The following FRMD4A variants were observed in gnomAD, a reference collection of about 807,000 sequenced individuals.
FRMD4A encodes the protein FERM domain containing 4A.
A neutral mutation model predicts 129.1 loss-of-function variants in FRMD4A; 29 were observed. The observed-to-expected ratio is 0.22, with a 90% CI of 0.17 to 0.31. The LOEUF (loss-of-function observed/expected upper bound fraction) is 0.31. Ranked by LOEUF, FRMD4A falls within the 10% of genes least tolerant of loss-of-function variation. The pLI, the probability that FRMD4A is intolerant of heterozygous loss-of-function variation, is 1.00. For synonymous variants in FRMD4A, 634 were observed against 571.6 expected (o/e 1.11, Z -1.56); for missense variants, 1,272 against 1,375.8 (o/e 0.92, Z 1.19).
At chr10:14,198,100 C>T (rs1485708631) in intron 2 of FRMD4A, among the ~76,000 whole-genome samples, 3 of 152,240 alleles carry the variant, frequency 2.0e-5, no homozygotes, top group Non-Finnish European at 4.4e-5. Flanking sequence ...GACCTTCAAA[C>T]TACTCTCCCA....
intron 2 of FRMD4A, among the ~76,000 whole-genome samples, chr10:14,265,248 G>A (rs540525587): frequency 3.7e-4 from 57 of 152,268 alleles, no homozygotes; most frequent in African/African-American, 1.3e-3. Context: ...GATTTAGGAT[G>A]TTAATTTTCA....
At chr10:13,942,788 C>T (rs572351054) in intron 2 of FRMD4A, among the ~76,000 whole-genome samples, 18 of 152,170 alleles carry the variant, frequency 1.2e-4, no homozygotes, top group Non-Finnish European at 2.1e-4. Flanking sequence ...CAAAAATTAG[C>T]TGGGCGTGGT....
chr10:14,009,585 T>C (rs1007475180), intron 2 of FRMD4A, among the ~76,000 whole-genome samples: 1 of 152,138 alleles, frequency 6.6e-6, no homozygotes, highest in African/African-American at 2.4e-5. Context: ...AAGCAGAGTT[T>C]TGTACTATGA....
chr10:13,663,109 G>A (rs1307023925), intron 19 of FRMD4A, among the ~76,000 whole-genome samples: 1 of 151,604 alleles, frequency 6.6e-6, no homozygotes, highest in African/African-American at 2.4e-5. Flanking sequence ...AGAATCACTT[G>A]AGCCTAGGAG....
intron 12 of FRMD4A, among the ~76,000 whole-genome samples, chr10:13,727,033 GCTGGGATTA>G (rs746760492): frequency 3.9e-5 from 6 of 152,168 alleles, no homozygotes; most frequent in Non-Finnish European, 7.4e-5. Context: ...CTCCCTAGTA[GCTGGGATTA>G]CAGGCACATG....
At chr10:14,045,804 A>G (rs7903452) in intron 2 of FRMD4A, among the ~76,000 whole-genome samples, 1 of 145,736 alleles carries the variant, frequency 6.9e-6, no homozygotes, top group Admixed American at 7.0e-5. Flanking sequence ...ATATAATTAT[A>G]TAGAATAGAT....
At chr10:14,075,956 C>T (rs913655074) in intron 2 of FRMD4A, among the ~76,000 whole-genome samples, 2 of 152,210 alleles carry the variant, frequency 1.3e-5, no homozygotes, top group Non-Finnish European at 2.9e-5. Flanking sequence ...CTTGGCCTAA[C>T]TCTCATGTTC....
At chr10:14,045,814 T>G (rs1003381362) in intron 2 of FRMD4A, among the ~76,000 whole-genome samples, 8 of 146,018 alleles carry the variant, frequency 5.5e-5, no homozygotes, top group African/African-American at 2.0e-4. Flanking sequence ...ATAGAATAGA[T>G]ATGTATTATA....
At chr10:14,214,770 A>C (rs1843023947) in intron 2 of FRMD4A, among the ~76,000 whole-genome samples, 1 of 152,208 alleles carries the variant, frequency 6.6e-6, no homozygotes, top group Admixed American at 6.5e-5. Flanking sequence ...TAGAACAAAA[A>C]TTGTAGCATT....
chr10:14,190,004 C>T (rs963659640), intron 2 of FRMD4A, among the ~76,000 whole-genome samples: 6 of 152,192 alleles, frequency 3.9e-5, no homozygotes, highest in Non-Finnish European at 5.9e-5. Flanking sequence ...ACCTCTAATA[C>T]ATAAGCCTAA....
At chr10:13,744,834 AAAGCAGTGAAC>A (rs1053657196) in intron 9 of FRMD4A, 4 of 152,224 alleles carry the variant, frequency 2.6e-5, no homozygotes, top group African/African-American at 7.2e-5. Flanking sequence ...CCCAGAGGGA[AAAGCAGTGAAC>A]AAGCTGTGTG....
intron 2 of FRMD4A, among the ~76,000 whole-genome samples, chr10:13,886,478 A>AC (rs2094622471): frequency 3.3e-5 from 5 of 152,210 alleles, no homozygotes; most frequent in African/African-American, 1.2e-4. Context: ...AAGAGGGGCC[A>AC]TACCACAGCA....
rs1193677200 is a variant in FRMD4A at position 14,144,481 on chromosome 10, G to A, written c.45+185577C>T. Among the ~76,000 whole-genome samples the A allele has an allele frequency of 5.3e-5, 8 of 152,182 alleles. No homozygotes were observed. The East Asian group carries it at 5.8e-4, about 11-fold the overall frequency. ...CAAGTAATTATCTTTGCTCTGCATC[G>A]TATGCAGGTTTCATTATACAAACTG... On this transcript the variant is annotated intron_variant, in intron 2 of 24. Coordinates refer to ENST00000357447, the MANE Select transcript of FRMD4A (RefSeq NM_018027.5).
intron 15 of FRMD4A, among the ~76,000 whole-genome samples, chr10:13,679,340 T>C (rs1490552877): frequency 7.4e-6 from 1 of 135,594 alleles, no homozygotes; most frequent in Non-Finnish European, 1.5e-5. Context: ...AGGCAGGGAA[T>C]TGCTTGAACC....
intron 2 of FRMD4A, among the ~76,000 whole-genome samples, chr10:13,963,333 A>T (rs1588579117): frequency 6.8e-6 from 1 of 146,670 alleles, no homozygotes; most frequent in Non-Finnish European, 1.5e-5. Context: ...GGCCAAGCCC[A>T]CACCATATGT....
intron 2 of FRMD4A, among the ~76,000 whole-genome samples, chr10:14,306,325 G>A (rs577738246): frequency 1.5e-4 from 23 of 152,264 alleles, no homozygotes; most frequent in African/African-American, 3.9e-4. Context: ...ACGGTGAAAC[G>A]CCTGTTCCCA....
intron 3 of FRMD4A, among the ~76,000 whole-genome samples, chr10:13,833,006 T>C (rs2093814559): frequency 6.6e-6 from 1 of 152,198 alleles, no homozygotes; most frequent in African/African-American, 2.4e-5. Flanking sequence ...AGAATGCTGA[T>C]GCCTTTCCGT....
At chr10:13,992,631 T>C (rs1342438879) in intron 2 of FRMD4A, among the ~76,000 whole-genome samples, 9 of 152,172 alleles carry the variant, frequency 5.9e-5, no homozygotes, top group Admixed American at 3.3e-4. Flanking sequence ...AGCATAACTA[T>C]GTTGATATTT....
chr10:14,270,529 G>C (rs1845129110), intron 2 of FRMD4A, among the ~76,000 whole-genome samples: 1 of 152,138 alleles, frequency 6.6e-6, no homozygotes, highest in Non-Finnish European at 1.5e-5. Context: ...TCTGGAGTTA[G>C]GCTGACCATA....
Sources: allele counts gnomAD v4.1 joint callset (sites outside exome capture counted in the v4.1 genomes callset), GRCh38; gene constraint gnomAD v4.1.1; transcripts MANE v1.5; gene names NCBI Gene and HGNC (gene_info 2026-07-23, HGNC 2026-07-21).